EDEM2: variants seen among roughly 807,000 people sequenced by gnomAD.
The protein encoded by EDEM2 is ER degradation-enhancing alpha-mannosidase-like protein 2.
Under a neutral mutation model 64.8 loss-of-function variants are expected in EDEM2, and 39 were observed. The observed-to-expected ratio is 0.60, with a 90% CI of 0.47 to 0.79. The LOEUF (loss-of-function observed/expected upper bound fraction) is 0.79, where lower values mean the gene tolerates loss of function less well. Ranked by LOEUF, EDEM2 falls within the 30% of genes least tolerant of loss-of-function variation. The pLI is 0.00. For synonymous variants in EDEM2, 296 were observed against 291.5 expected (o/e 1.02, Z -0.16); for missense variants, 609 against 731.3 (o/e 0.83, Z 1.93).
intron 4 of EDEM2, among the ~76,000 whole-genome samples, chr20:35,141,380 T>C (rs1026358768): frequency 1.3e-5 from 2 of 152,214 alleles, no homozygotes; most frequent in Admixed American, 6.5e-5. Flanking sequence ...CTTATATTCC[T>C]ATCAGAAATA....
intron 5 of EDEM2, among the ~76,000 whole-genome samples, chr20:35,135,411 G>A (rs1274706589): frequency 6.6e-6 from 1 of 152,186 alleles, no homozygotes; most frequent in African/African-American, 2.4e-5. Context: ...AGCACTCTGG[G>A]TGGCCAAGGC....
At chr20:35,142,737 A>T (rs2085674511) in intron 3 of EDEM2, among the ~76,000 whole-genome samples, 1 of 152,138 alleles carries the variant, frequency 6.6e-6, no homozygotes, top group Non-Finnish European at 1.5e-5. Context: ...CAATATAAAG[A>T]ACGCAAACTA....
intron 2 of EDEM2, among the ~76,000 whole-genome samples, chr20:35,145,525 G>C (rs1382345216): frequency 6.6e-6 from 1 of 152,156 alleles, no homozygotes; most frequent in Non-Finnish European, 1.5e-5. Context: ...AAAGACATTC[G>C]AATTGTTTTT....
rs143038149 is a variant in EDEM2 at position 35,117,423 on chromosome 20, C to T, written c.1236+1175G>A. On this transcript the variant is annotated intron_variant, in intron 10 of 10. Coordinates refer to ENST00000374492, the MANE Select transcript of EDEM2 (RefSeq NM_018217.3). ...TGCCCTGTTTGAGAAAGGTCAGACC[C>T]CTGTTCCCATCATTCACCATGGAAG... 8.2e-3 allele frequency among the ~76,000 whole-genome samples: 1,253 copies of T among 152,220 alleles called. 16 individuals are homozygous for T. Among genetic ancestry groups the T allele is most frequent in the African/African-American group, 0.026 (1,078 of 41,512 alleles).
chr20:35,131,819 G>A, intron 6 of EDEM2, 36 bp from the exon 7 acceptor site: 1 of 1,601,868 alleles, frequency 6.2e-7, no homozygotes, highest in South Asian at 1.1e-5. Flanking sequence ...CCAACGGGAA[G>A]GCCGATGGCC....
intron 10 of EDEM2, chr20:35,117,144 AC>A (rs769604472): frequency 1.3e-5 from 2 of 152,142 alleles, no homozygotes; most frequent in Admixed American, 6.6e-5. Flanking sequence ...CTCCACTCAG[AC>A]CCAAAGTATC....
rs781468187 is a variant in EDEM2 at position 35,137,903 on chromosome 20, T to C, written c.467A>G (p.Glu156Gly). 6.2e-7 allele frequency: 1 copy of C among 1,614,164 alleles called. No homozygotes were observed. The highest frequency in any genetic ancestry group is 1.7e-5 in the Admixed American group (1 of 60,016). ...ACCTGGGAGGAGTTTTCGGGCCGCC[T>C]CCTCAGCCATTCTCAGGAGAGGCCC... ...CSGPLLRMAE[E>G]AARKLLPAFQ... Residue 156 changes from glutamate (E) to glycine (G), a missense_variant, in exon 5 of 11, where the codon GAG (glutamate) becomes GGG (glycine). Glu to Gly is a moderately conservative substitution (Grantham distance 98). Transcript: ENST00000374492.
Position 35,133,746 on chromosome 20 carries a change from C to T in EDEM2, c.702+992G>A, listed in dbSNP as rs113013288. 4.3e-3 allele frequency among the ~76,000 whole-genome samples: 653 copies of T among 152,264 alleles called. 12 individuals carry two copies. The highest frequency in any genetic ancestry group is 0.014 in the African/African-American group (588 of 41,550). ...TCTCCCAAAGTGCTGGAATTACAGG[C>T]GTGAGCCACCGCACCCAGCCTTAGG... On this transcript the variant is annotated intron_variant, in intron 6 of 10. Coordinates refer to ENST00000374492, the MANE Select transcript of EDEM2 (RefSeq NM_018217.3).
At chr20:35,146,002 C>CAAAAA (rs138113879) in intron 2 of EDEM2, among the ~76,000 whole-genome samples, 6 of 82,786 alleles carry the variant, frequency 7.2e-5, no homozygotes, top group Admixed American at 1.5e-4. Flanking sequence ...AACTCCATCT[C>CAAAAA]AAAAAAAAAA....
chr20:35,119,658 C>T (rs1375884226), intron 9 of EDEM2, among the ~76,000 whole-genome samples: 2 of 151,974 alleles, frequency 1.3e-5, no homozygotes, highest in South Asian at 2.1e-4. Flanking sequence ...CTAACAAAGA[C>T]GTAGTCATCA....
intron 2 of EDEM2, among the ~76,000 whole-genome samples, chr20:35,145,395 G>A (rs147509877): frequency 1.3e-5 from 2 of 152,196 alleles, no homozygotes; most frequent in African/African-American, 2.4e-5. Context: ...GCTTAGAACA[G>A]CAAGAGGCTG....
At chr20:35,146,072 A>T (rs2085728065) in intron 2 of EDEM2, among the ~76,000 whole-genome samples, 2 of 152,020 alleles carry the variant, frequency 1.3e-5, no homozygotes, top group African/African-American at 2.4e-5. Flanking sequence ...AGTTCATTTT[A>T]AAAAGATACA....
At chr20:35,135,745 G>A (rs2085567439) in intron 5 of EDEM2, among the ~76,000 whole-genome samples, 1 of 152,130 alleles carries the variant, frequency 6.6e-6, no homozygotes, top group Admixed American at 6.6e-5. Flanking sequence ...ATTTTTAAAG[G>A]GAAGCAAAAT....
chr20:35,135,975 G>A (rs1487417262), intron 5 of EDEM2, among the ~76,000 whole-genome samples: 1 of 152,162 alleles, frequency 6.6e-6, no homozygotes, highest in Non-Finnish European at 1.5e-5. Flanking sequence ...GACGAGAACT[G>A]GACAACCAGC....
chr20:35,118,528 T>C (rs1433132892), intron 10 of EDEM2, 70 bp downstream of exon 10: 3 of 1,606,924 alleles, frequency 1.9e-6, no homozygotes, highest in Non-Finnish European at 2.6e-6. Flanking sequence ...CCCAAAGCTC[T>C]ACCCTTAAAG....
At chr20:35,133,710 G>A (rs928148052) in intron 6 of EDEM2, among the ~76,000 whole-genome samples, 6 of 151,984 alleles carry the variant, frequency 3.9e-5, no homozygotes, top group East Asian at 3.9e-4. Context: ...CAGGTGATCC[G>A]CCCGCCTCAG....
intron 6 of EDEM2, among the ~76,000 whole-genome samples, chr20:35,133,709 C>T (rs1235448168): frequency 6.6e-6 from 1 of 152,072 alleles, no homozygotes; most frequent in Non-Finnish European, 1.5e-5. Flanking sequence ...TCAGGTGATC[C>T]GCCCGCCTCA....
At chr20:35,138,037 T>C in intron 4 of EDEM2, 32 bp from the exon 5 acceptor site, 2 of 1,611,286 alleles carry the variant, frequency 1.2e-6, no homozygotes, top group Non-Finnish European at 1.7e-6. Context: ...AATGGCACAG[T>C]CCAAAGGGAA....
At chr20:35,138,214 C>T (rs565740721) in intron 4 of EDEM2, among the ~76,000 whole-genome samples, 26 of 152,000 alleles carry the variant, frequency 1.7e-4, no homozygotes, top group Admixed American at 5.9e-4. Context: ...AGCCACCCAG[C>T]GAAAAAAGAG....
Sources: gnomAD v4.1 joint callset for allele counts (sites outside exome capture counted in the v4.1 genomes callset) on GRCh38, gnomAD v4.1.1 for gene constraint, MANE v1.5 for transcripts, NCBI Gene and HGNC (gene_info 2026-07-23, HGNC 2026-07-21) for gene names.